LRRTM3: variants seen among roughly 807,000 people sequenced by gnomAD.
LRRTM3 encodes the protein leucine rich repeat transmembrane neuronal 3, also known as leucine-rich repeat transmembrane neuronal protein 3.
Under a neutral mutation model 44.7 loss-of-function variants are expected in LRRTM3, and 24 were observed. The ratio of observed to expected loss-of-function variants is 0.54; its 90% CI spans 0.39 to 0.76. LRRTM3 has a LOEUF of 0.76. Ranked by LOEUF, LRRTM3 falls within the 30% of genes least tolerant of loss-of-function variation. LRRTM3 has a pLI of 0.00. For synonymous variants in LRRTM3, 277 were observed against 278.7 expected, an observed-to-expected ratio of 0.99 and a Z score of 0.06; for missense variants, 587 against 702.2, an observed-to-expected ratio of 0.84 and a Z score of 1.85.
chr10:67,070,453 T>A (rs1274178143), intron 2 of LRRTM3, among the ~76,000 whole-genome samples: 1 of 152,066 alleles, frequency 6.6e-6, no homozygotes, highest in Non-Finnish European at 1.5e-5. Flanking sequence ...GTGTCCCGAT[T>A]AAGAAATCCT....
Position 67,101,513 on chromosome 10 carries a change from A to C in LRRTM3, c.*3717A>C, listed in dbSNP as rs1214366240. ...AATTGATGTATAGAACCTAAAACATATGCTAACTTGCAAATAATATATTTT... is the reference window on the plus strand; with the variant it reads ...AATTGATGTATAGAACCTAAAACATCTGCTAACTTGCAAATAATATATTTT... On this transcript the variant is annotated 3_prime_UTR_variant, in exon 3 of 3. Coordinates refer to ENST00000361320, the MANE Select transcript of LRRTM3 (RefSeq NM_178011.5). 2.0e-5 allele frequency among the ~76,000 whole-genome samples: 3 copies of C among 151,784 alleles called. No homozygotes were observed. The highest frequency in any genetic ancestry group is 4.4e-5 in the Non-Finnish European group (3 of 67,824).
chr10:67,052,911 T>TA (rs1216811945), intron 2 of LRRTM3, among the ~76,000 whole-genome samples: 1 of 152,204 alleles, frequency 6.6e-6, no homozygotes, highest in Non-Finnish European at 1.5e-5. Flanking sequence ...GCTGAAGCAA[T>TA]AATAGTACTC....
intron 2 of LRRTM3, among the ~76,000 whole-genome samples, chr10:66,948,971 TTG>T (rs1848406220): frequency 6.6e-6 from 1 of 152,216 alleles, no homozygotes; most frequent in African/African-American, 2.4e-5. Context: ...TAAATTATAA[TTG>T]TGTTATTTTT....
rs201578497 is a variant in LRRTM3, at chr10:67,025,872, T to C, written c.1537-71715T>C. On this transcript the variant is annotated intron_variant, in intron 2 of 2. Coordinates refer to ENST00000361320, the MANE Select transcript of LRRTM3 (RefSeq NM_178011.5). ...TGGAACCAACCCAAATGTCCAACAA[T>C]GATAGACTGGATTAAGAAAATGTGG... Among the ~76,000 whole-genome samples, 22 of 149,030 alleles carry C rather than the reference T, an allele frequency of 1.5e-4. No homozygotes were observed. The East Asian group carries it at 3.3e-3, about 23-fold the overall frequency.
At chr10:67,030,914 G>A (rs1158349429) in intron 2 of LRRTM3, among the ~76,000 whole-genome samples, 1 of 152,132 alleles carries the variant, frequency 6.6e-6, no homozygotes, top group Non-Finnish European at 1.5e-5. Flanking sequence ...TGAGGAAGGA[G>A]AATTGCTTGA....
chr10:67,047,668 T>A (rs1365111058), intron 2 of LRRTM3, among the ~76,000 whole-genome samples: 1 of 152,140 alleles, frequency 6.6e-6, no homozygotes, highest in African/African-American at 2.4e-5. Flanking sequence ...TAAATTCACA[T>A]ATATTTATGA....
intron 2 of LRRTM3, among the ~76,000 whole-genome samples, chr10:67,078,418 TGA>T (rs1856848951): frequency 6.6e-6 from 1 of 152,174 alleles, no homozygotes; most frequent in Admixed American, 6.5e-5. Flanking sequence ...GAAAAATATT[TGA>T]GAGAGGGACC....
intron 2 of LRRTM3, among the ~76,000 whole-genome samples, chr10:67,043,294 A>G (rs910060072): frequency 2.0e-5 from 3 of 152,076 alleles, no homozygotes; most frequent in Middle Eastern, 3.2e-3. Context: ...CATCATTCAT[A>G]TATTCTCTGA....
chr10:67,001,905 A>G (rs1390638423), intron 2 of LRRTM3, among the ~76,000 whole-genome samples: 2 of 152,202 alleles, frequency 1.3e-5, no homozygotes, highest in Non-Finnish European at 2.9e-5. Flanking sequence ...CACATTTGCT[A>G]CAACCAGGCA....
intron 2 of LRRTM3, among the ~76,000 whole-genome samples, chr10:66,930,445 T>G (rs891256591): frequency 2.6e-5 from 4 of 152,144 alleles, no homozygotes. Context: ...AAATACATAT[T>G]CCATCTTAAA....
intron 1 of LRRTM3, 74 bp from the exon 2 acceptor site, chr10:66,926,847 A>G: frequency 7.9e-7 from 1 of 1,267,458 alleles, no homozygotes; most frequent in East Asian, 2.5e-5. Flanking sequence ...TGAAAAATAT[A>G]TGCCTATTTT....
chr10:67,006,216 A>G (rs918521549), intron 2 of LRRTM3, among the ~76,000 whole-genome samples: 2 of 152,108 alleles, frequency 1.3e-5, no homozygotes, highest in African/African-American at 2.4e-5. Context: ...TGGCAGAGTC[A>G]GGATTTAAGT....
intron 2 of LRRTM3, among the ~76,000 whole-genome samples, chr10:67,050,311 C>T (rs1233194963): frequency 2.0e-5 from 3 of 152,200 alleles, no homozygotes; most frequent in Non-Finnish European, 4.4e-5. Context: ...CCTGCTCTCC[C>T]TTTCTTGAGC....
At chr10:66,991,440 G>A (rs1327380344) in intron 2 of LRRTM3, among the ~76,000 whole-genome samples, 2 of 152,082 alleles carry the variant, frequency 1.3e-5, no homozygotes, top group Non-Finnish European at 2.9e-5. Flanking sequence ...ACACCATCAT[G>A]TTTTATCTCT....
intron 2 of LRRTM3, among the ~76,000 whole-genome samples, chr10:67,062,959 G>C (rs1416492168): frequency 6.6e-6 from 1 of 152,028 alleles, no homozygotes; most frequent in Non-Finnish European, 1.5e-5. Context: ...CATATGCTGA[G>C]AGTTAATCGT....
chr10:66,998,907 C>A (rs1368327534), intron 2 of LRRTM3, among the ~76,000 whole-genome samples: 2 of 152,082 alleles, frequency 1.3e-5, no homozygotes, highest in African/African-American at 2.4e-5. Flanking sequence ...AACACACATT[C>A]ACTTAAATAC....
At position 67,089,971 on chromosome 10, in the gene LRRTM3, A is replaced by C. The variant is rs147623575; in HGVS notation, c.1537-7616A>C. On this transcript the variant is annotated intron_variant, in intron 2 of 2. Coordinates refer to ENST00000361320, the MANE Select transcript of LRRTM3 (RefSeq NM_178011.5). ...TAAAGAAAAAATTCAAGACAAGTAT[A>C]GTCTCATATGAAACAAAATAATCAA... Among the ~76,000 whole-genome samples the C allele has an allele frequency of 2.3e-3, 354 of 152,206 alleles. 3 individuals carry two copies. The highest frequency in any genetic ancestry group is 7.7e-3 in the African/African-American group (322 of 41,554).
intron 2 of LRRTM3, among the ~76,000 whole-genome samples, chr10:67,070,312 T>C (rs1290999267): frequency 6.6e-6 from 1 of 152,204 alleles, no homozygotes; most frequent in East Asian, 1.9e-4. Flanking sequence ...ATTTGTCAGA[T>C]GTGTGTATTA....
intron 2 of LRRTM3, among the ~76,000 whole-genome samples, chr10:67,035,949 C>A (rs1196006984): frequency 1.3e-5 from 2 of 152,120 alleles, no homozygotes; most frequent in African/African-American, 4.8e-5. Context: ...AACTAGACAA[C>A]TTTTCTTGCT....
Sources: gnomAD v4.1 joint callset for allele counts (sites outside exome capture counted in the v4.1 genomes callset) on GRCh38, gnomAD v4.1.1 for gene constraint, MANE v1.5 for transcripts, NCBI Gene and HGNC (gene_info 2026-07-23, HGNC 2026-07-21) for gene names.